SLC44A5: variants seen among roughly 807,000 people sequenced by gnomAD.
SLC44A5 encodes the protein solute carrier family 44 member 5.
SLC44A5 carries 57 observed loss-of-function variants against 101.8 expected under a neutral mutation model. That is an observed-to-expected ratio of 0.56 (90% CI 0.45 to 0.70). The LOEUF (loss-of-function observed/expected upper bound fraction) is 0.70. Ranked by LOEUF, SLC44A5 falls within the 30% of genes least tolerant of loss-of-function variation. The pLI is 0.00. For missense variants in SLC44A5, 737 were observed against 853.1 expected, an observed-to-expected ratio of 0.86 and a Z score of 1.70; for synonymous variants, 281 against 290.9, an observed-to-expected ratio of 0.97 and a Z score of 0.35.
At chr1:75,639,606 T>C in the SLC44A5 span, among the ~76,000 whole-genome samples, 1 of 152,148 alleles carries the variant, frequency 6.6e-6, no homozygotes, top group African/African-American at 2.4e-5. Flanking sequence ...TTGCCTTTGC[T>C]CACTTCCCCA....
At chr1:75,415,790 T>C (rs994217256) in intron 2 of SLC44A5, among the ~76,000 whole-genome samples, 3 of 152,192 alleles carry the variant, frequency 2.0e-5, no homozygotes, top group Non-Finnish European at 2.9e-5. Flanking sequence ...ACTCTTGCTA[T>C]GTTTTAGCAA....
chr1:75,453,941 T>C (rs976854676), intron 2 of SLC44A5, among the ~76,000 whole-genome samples: 2 of 152,034 alleles, frequency 1.3e-5, no homozygotes, highest in African/African-American at 4.8e-5. Context: ...CTAGGCAAGA[T>C]GAACTCACAG....
intron 5 of SLC44A5, among the ~76,000 whole-genome samples, chr1:75,296,135 A>G (rs1043244891): frequency 8.5e-5 from 13 of 152,136 alleles, no homozygotes. Context: ...CAGTCAAGCC[A>G]TGATGCCATT....
intron 2 of SLC44A5, among the ~76,000 whole-genome samples, chr1:75,513,414 T>C (rs528748720): frequency 4.2e-4 from 64 of 152,316 alleles, no homozygotes; most frequent in African/African-American, 1.4e-3. Flanking sequence ...AAAGTGCAGC[T>C]TTGTCCATAG....
the SLC44A5 span, among the ~76,000 whole-genome samples, chr1:75,683,103 A>G: frequency 6.6e-6 from 1 of 151,916 alleles, no homozygotes; most frequent in Non-Finnish European, 1.5e-5. Context: ...AAGTCAGGAA[A>G]CAACAGGTGC....
chr1:75,495,226 C>T (rs1009565279), intron 2 of SLC44A5, among the ~76,000 whole-genome samples: 86 of 152,204 alleles, frequency 5.7e-4, no homozygotes, highest in African/African-American at 1.9e-3. Context: ...GAGGCTGAGG[C>T]GGGTGGATCA....
At chr1:75,641,783 G>C in the SLC44A5 span, 11 of 1,563,384 alleles carry the variant, frequency 7.0e-6, no homozygotes, top group African/African-American at 1.4e-5. Context: ...AAATCCTTTA[G>C]AGTGCAAAGA....
the SLC44A5 span, among the ~76,000 whole-genome samples, chr1:75,635,303 T>G: frequency 0.42 from 63,176 of 150,888 alleles, 14,341 homozygotes; most frequent in East Asian, 0.68. Flanking sequence ...GCCATCCCAT[T>G]ACTGGGTATA....
At chr1:75,367,119 T>A (rs1343049024) in intron 3 of SLC44A5, among the ~76,000 whole-genome samples, 1 of 152,210 alleles carries the variant, frequency 6.6e-6, no homozygotes, top group Non-Finnish European at 1.5e-5. Flanking sequence ...TAGCCTTGCA[T>A]TGGTAGCTGA....
chr1:75,672,880 A>G, the SLC44A5 span, among the ~76,000 whole-genome samples: 7 of 152,066 alleles, frequency 4.6e-5, no homozygotes, highest in Non-Finnish European at 7.4e-5. Context: ...CCTTGAAGGG[A>G]AGGACTCAGT....
intron 2 of SLC44A5, among the ~76,000 whole-genome samples, chr1:75,450,912 C>T (rs948097747): frequency 3.3e-5 from 5 of 152,202 alleles, no homozygotes; most frequent in South Asian, 2.1e-4. Context: ...AGCCACCCCA[C>T]CTTTCCTGAC....
intron 1 of SLC44A5, among the ~76,000 whole-genome samples, chr1:75,571,111 A>T (rs1412772562): frequency 6.6e-6 from 1 of 152,246 alleles, no homozygotes; most frequent in East Asian, 1.9e-4. Flanking sequence ...AGAGGATTTA[A>T]GAGTGCTTTT....
At chr1:75,301,755 T>C (rs150139466) in intron 4 of SLC44A5, among the ~76,000 whole-genome samples, 1 of 152,318 alleles carries the variant, frequency 6.6e-6, no homozygotes, top group African/African-American at 2.4e-5. Context: ...TAGGCTATTA[T>C]GGGTAGTAAA....
chr1:75,532,682 A>G (rs147430812), intron 2 of SLC44A5, among the ~76,000 whole-genome samples: 340 of 152,216 alleles, frequency 2.2e-3, no homozygotes, highest in African/African-American at 6.8e-3. Context: ...ATTTTTGTCC[A>G]TTTTGCTAAG....
At chr1:75,500,533 G>A (rs1462953627) in intron 2 of SLC44A5, among the ~76,000 whole-genome samples, 1 of 152,150 alleles carries the variant, frequency 6.6e-6, no homozygotes, top group Non-Finnish European at 1.5e-5. Context: ...GTCACTGCTT[G>A]TAGGAGAGGC....
chr1:75,639,375 C>A, the SLC44A5 span, among the ~76,000 whole-genome samples: 1 of 152,176 alleles, frequency 6.6e-6, no homozygotes, highest in African/African-American at 2.4e-5. Context: ...GTCTATAGTT[C>A]ATGTTTTAAT....
chr1:75,403,656 CA>C (rs34824803), intron 2 of SLC44A5, among the ~76,000 whole-genome samples: 2,127 of 152,212 alleles, frequency 0.014, 22 homozygotes, highest in Non-Finnish European at 0.019. Flanking sequence ...GCATTAACAT[CA>C]ACAAAAAGGA....
chr1:75,717,937 T>C, the SLC44A5 span, among the ~76,000 whole-genome samples: 1 of 152,170 alleles, frequency 6.6e-6, no homozygotes, highest in Non-Finnish European at 1.5e-5. Flanking sequence ...TTAATGAAGA[T>C]ATACAAAGTT....
chr1:75,499,007 T>C lies in SLC44A5; in HGVS notation c.13+42428A>G, dbSNP rs534334997. Among the ~76,000 whole-genome samples, 21 of 152,208 alleles carry C rather than the reference T, an allele frequency of 1.4e-4. 1 individual carries two copies. Among genetic ancestry groups the C allele is most frequent in the Non-Finnish European group, 2.8e-4 (19 of 68,034 alleles). ...CCATATTTTTACTGTGCCTTTTCTATGTTTAGCTAAATGAATACTTACCAC... is the reference window on the plus strand; with the variant it reads ...CCATATTTTTACTGTGCCTTTTCTACGTTTAGCTAAATGAATACTTACCAC... On this transcript the variant is annotated intron_variant, in intron 2 of 23. Coordinates refer to ENST00000370859, the MANE Select transcript of SLC44A5 (RefSeq NM_001130058.2).
Sources: allele counts gnomAD v4.1 joint callset (sites outside exome capture counted in the v4.1 genomes callset), GRCh38; gene constraint gnomAD v4.1.1; transcripts MANE v1.5; gene names NCBI Gene and HGNC (gene_info 2026-07-23, HGNC 2026-07-21).